Variants in TBC1D5 observed in about 807,000 individuals in gnomAD.
TBC1D5 encodes the protein TBC1 domain family, member 5.
In TBC1D5, 75 loss-of-function variants were observed where a neutral mutation model predicts 100.3. The ratio of observed to expected loss-of-function variants is 0.75; its 90% CI spans 0.62 to 0.91. TBC1D5 has a LOEUF of 0.91. Among genes scored for constraint, TBC1D5 ranks in the 40% least tolerant of loss-of-function variants. The probability of loss-of-function intolerance (pLI) is 0.00; values close to 1 mark genes in which losing one functional copy is unlikely to be tolerated. For synonymous variants in TBC1D5, 323 were observed against 325.6 expected, an observed-to-expected ratio of 0.99 and a Z score of 0.09; for missense variants, 910 against 942.4, an observed-to-expected ratio of 0.97 and a Z score of 0.45.
chr3:17,157,513 C>G (rs921667367), exon 22 of TBC1D5: 1 of 152,302 alleles, frequency 6.6e-6, no homozygotes, highest in African/African-American at 2.4e-5. Flanking sequence ...TGTATCCGGC[C>G]TCTTCTCTCT....
intron 17 of TBC1D5, among the ~76,000 whole-genome samples, chr3:17,219,914 T>C (rs2126082762): frequency 6.6e-6 from 1 of 152,268 alleles, no homozygotes; most frequent in East Asian, 1.9e-4. Flanking sequence ...GAACAGATTT[T>C]CAGGGGCCCC....
At chr3:17,606,718 G>C (rs186978971) in intron 2 of TBC1D5, among the ~76,000 whole-genome samples, 171 of 151,982 alleles carry the variant, frequency 1.1e-3, no homozygotes, top group African/African-American at 3.9e-3. Context: ...TCAGTTCATG[G>C]GTTTTTAAAA....
intron 1 of TBC1D5, among the ~76,000 whole-genome samples, chr3:17,692,683 A>G (rs796493177): frequency 2.6e-4 from 39 of 152,346 alleles, no homozygotes; most frequent in African/African-American, 8.7e-4. Flanking sequence ...GGTAATGTCA[A>G]TTAGATATAA....
At chr3:17,334,117 G>A (rs1269592171) in intron 13 of TBC1D5, among the ~76,000 whole-genome samples, 1 of 152,058 alleles carries the variant, frequency 6.6e-6, no homozygotes, top group Non-Finnish European at 1.5e-5. Flanking sequence ...TCAGAGAGTA[G>A]CATGCTTAAA....
intron 2 of TBC1D5, among the ~76,000 whole-genome samples, chr3:17,522,885 T>C (rs1459794377): frequency 3.3e-5 from 5 of 152,186 alleles, no homozygotes; most frequent in Non-Finnish European, 7.4e-5. Flanking sequence ...TTGAAATCTA[T>C]GTGTAAACTT....
Position 17,169,294 on chromosome 3 carries a change from T to C in TBC1D5, c.1853-1466A>G, listed in dbSNP as rs143453726. ...GCATTACAGGTACACAATAAGTATT[T>C]ACTGACTGATGGAATGAATTAATAA... On this transcript the variant is annotated intron_variant, in intron 19 of 21. Transcript: ENST00000253692. Among the ~76,000 whole-genome samples, 1,501 of 152,322 alleles carry C rather than the reference T, an allele frequency of 9.9e-3. 11 individuals carry two copies. The highest frequency in any genetic ancestry group is 0.015 in the Non-Finnish European group (1,046 of 68,036).
chr3:17,371,228 T>A lies in TBC1D5; in HGVS notation c.995+847A>T, dbSNP rs566652069. Among the ~76,000 whole-genome samples the A allele has an allele frequency of 2.6e-5, 4 of 152,258 alleles. No homozygotes were observed. In the East Asian group the frequency reaches 7.7e-4, roughly 29 times the overall value. On this transcript the variant is annotated intron_variant, in intron 13 of 21. Coordinates refer to ENST00000253692, the Ensembl canonical transcript of TBC1D5. ...GAGGCATCTATCTTACTTACAGGAA[T>A]CTACGTCTGAGGGTAGAACAAAAGA...
At chr3:17,689,537 GAAAAGA>G (rs1416679126) in intron 1 of TBC1D5, among the ~76,000 whole-genome samples, 52 of 141,440 alleles carry the variant, frequency 3.7e-4, no homozygotes, top group African/African-American at 1.3e-3. Context: ...AAAAAAAAAA[GAAAAGA>G]AAAAGAGAAA....
At chr3:17,324,372 G>C (rs2085813200) in intron 13 of TBC1D5, among the ~76,000 whole-genome samples, 1 of 152,176 alleles carries the variant, frequency 6.6e-6, no homozygotes, top group South Asian at 2.1e-4. Flanking sequence ...GCCCGGTGTG[G>C]TGGCTCACAC....
At chr3:17,410,012 G>A (rs1232288116) in intron 4 of TBC1D5, among the ~76,000 whole-genome samples, 6 of 152,120 alleles carry the variant, frequency 3.9e-5, no homozygotes, top group African/African-American at 1.4e-4. Context: ...TTCTATTGAA[G>A]GAGGATGCCA....
At chr3:17,538,451 C>T (rs1020226050) in intron 2 of TBC1D5, among the ~76,000 whole-genome samples, 1 of 152,190 alleles carries the variant, frequency 6.6e-6, no homozygotes, top group Non-Finnish European at 1.5e-5. Flanking sequence ...TGTATAAAAT[C>T]CCAAGTCAAG....
intron 3 of TBC1D5, among the ~76,000 whole-genome samples, chr3:17,493,914 A>T (rs1017086131): frequency 4.6e-5 from 7 of 152,166 alleles, no homozygotes; most frequent in African/African-American, 1.7e-4. Context: ...CCATCTTCTG[A>T]AGCCTATTTC....
At chr3:17,460,329 T>C (rs1334784508) in intron 3 of TBC1D5, among the ~76,000 whole-genome samples, 2 of 152,200 alleles carry the variant, frequency 1.3e-5, no homozygotes, top group African/African-American at 4.8e-5. Context: ...CAAATTCCTC[T>C]AGCTTGATGC....
intron 2 of TBC1D5, among the ~76,000 whole-genome samples, chr3:17,622,303 C>G (rs1256967995): frequency 6.6e-6 from 1 of 152,092 alleles, no homozygotes; most frequent in Non-Finnish European, 1.5e-5. Context: ...AGGCTGTGGA[C>G]CGGTCCCAGT....
At chr3:17,419,297 T>G (rs1340135207) in intron 4 of TBC1D5, among the ~76,000 whole-genome samples, 1 of 152,202 alleles carries the variant, frequency 6.6e-6, no homozygotes. Context: ...TAAGCCCCTG[T>G]AACCAAAGTT....
At chr3:17,738,901 T>C (rs1279639812) in intron 1 of TBC1D5, among the ~76,000 whole-genome samples, 1 of 152,252 alleles carries the variant, frequency 6.6e-6, no homozygotes, top group Admixed American at 6.5e-5. Context: ...TATTTTTAAA[T>C]GTTTACCTAA....
chr3:17,403,606 C>G, intron 7 of TBC1D5, among the ~76,000 whole-genome samples: 1 of 151,938 alleles, frequency 6.6e-6, no homozygotes, highest in African/African-American at 2.4e-5. Flanking sequence ...AGTATAACAA[C>G]TTTATTTAGC....
chr3:17,474,385 T>C lies in TBC1D5; in HGVS notation c.97+34089A>G, dbSNP rs953801312. 2.6e-5 allele frequency among the ~76,000 whole-genome samples: 4 copies of C among 152,100 alleles called. No individual in the cohort carries two copies. In the East Asian group the frequency reaches 7.7e-4, roughly 29 times the overall value. On this transcript the variant is annotated intron_variant, in intron 3 of 21. Transcript: ENST00000253692. ...TATCTTTGTTTTCCTTTGGGCAAAA[T>C]GGGAAAATCATACCCTGTTTTCTAT... is the stretch of plus-strand genomic sequence containing the variant.
intron 1 of TBC1D5, among the ~76,000 whole-genome samples, chr3:17,631,367 A>C (rs2063497710): frequency 6.6e-6 from 1 of 152,250 alleles, no homozygotes; most frequent in Non-Finnish European, 1.5e-5. Flanking sequence ...GGTTGAAAAA[A>C]AGAAGCCTTC....
Sources: allele counts gnomAD v4.1 joint callset (sites outside exome capture counted in the v4.1 genomes callset), GRCh38; gene constraint gnomAD v4.1.1; transcripts MANE v1.5; gene names NCBI Gene and HGNC (gene_info 2026-07-23, HGNC 2026-07-21).